The following LIPA variants were observed in gnomAD, a reference collection of about 807,000 sequenced individuals.
The protein encoded by LIPA is lysosomal acid lipase/cholesteryl ester hydrolase.
A neutral mutation model predicts 40.6 loss-of-function variants in LIPA; 26 were observed. The ratio of observed to expected loss-of-function variants is 0.64; its 90% confidence interval spans 0.47 to 0.89. The LOEUF is 0.89. Ranked by LOEUF, LIPA falls within the 40% of genes least tolerant of loss-of-function variation. LIPA has a pLI of 0.00. For synonymous variants in LIPA, 188 were observed against 168.4 expected (o/e 1.12, Z -0.90); for missense variants, 455 against 479.6 (o/e 0.95, Z 0.48).
At chr10:89,390,741 C>A (rs1844241333) in intron 2 of LIPA, among the ~76,000 whole-genome samples, 1 of 152,158 alleles carries the variant, frequency 6.6e-6, no homozygotes, top group African/African-American at 2.4e-5. Flanking sequence ...GGGCCATAGC[C>A]CCGTAGAACC....
intron 1 of LIPA, chr10:89,340,897 A>T (rs2133576698): frequency 6.6e-6 from 1 of 152,342 alleles, no homozygotes; most frequent in African/African-American, 2.4e-5. Flanking sequence ...TGTATTCTTG[A>T]TAGCAATACC....
intron 2 of LIPA, chr10:89,383,864 C>A: frequency 6.2e-7 from 1 of 1,614,214 alleles, no homozygotes; most frequent in Admixed American, 1.7e-5. Flanking sequence ...TACGCAATCA[C>A]CGTCTATCGC....
At chr10:89,338,047 T>C (rs1292036130) in intron 1 of LIPA, 1 of 152,382 alleles carries the variant, frequency 6.6e-6, no homozygotes, top group Non-Finnish European at 1.5e-5. Flanking sequence ...ACATTTAAGC[T>C]AGGCTAAGCT....
chr10:89,382,113 T>A (rs551426075), intron 2 of LIPA, among the ~76,000 whole-genome samples: 17 of 152,304 alleles, frequency 1.1e-4, no homozygotes, highest in African/African-American at 2.9e-4. Context: ...GAATGTTTCA[T>A]CATCCATTTT....
At position 89,403,317 on chromosome 10, in the gene LIPA, A is replaced by G. The variant is rs147292200; in HGVS notation, c.61+9474T>C. The G allele has an allele frequency of 1.2e-5, 19 of 1,613,844 alleles. No homozygotes were observed. The East Asian group carries it at 1.3e-4, about 11-fold the overall frequency. On this transcript the variant is annotated intron_variant, in intron 2 of 8. Coordinates refer to the LIPA transcript ENST00000371837. The stretch of plus-strand genomic sequence containing the variant: ...TGAGGTGGCTCATCTAGACCTGGCA[A>G]GAATGTATATAGAAGCAGGCAATCA...
intron 1 of LIPA, among the ~76,000 whole-genome samples, chr10:89,249,948 C>T (rs1456938030): frequency 2.0e-5 from 3 of 151,960 alleles, no homozygotes; most frequent in Non-Finnish European, 4.4e-5. Context: ...CTGAATATTC[C>T]ACAAGTCTTA....
At chr10:89,389,991 T>TC (rs1844234400) in intron 2 of LIPA, among the ~76,000 whole-genome samples, 1 of 146,736 alleles carries the variant, frequency 6.8e-6, no homozygotes, top group Non-Finnish European at 1.5e-5. Context: ...TTTTTTTTTT[T>TC]TTTTTTTGAG....
At chr10:89,291,283 A>G (rs886567129) in intron 1 of LIPA, among the ~76,000 whole-genome samples, 2 of 151,902 alleles carry the variant, frequency 1.3e-5, no homozygotes, top group Admixed American at 6.6e-5. Flanking sequence ...TTTTTAGCTT[A>G]ATTAAATGTA....
intron 1 of LIPA, among the ~76,000 whole-genome samples, chr10:89,304,270 G>A (rs1278231211): frequency 7.0e-6 from 1 of 142,138 alleles, no homozygotes; most frequent in African/African-American, 2.9e-5. Flanking sequence ...CCCAGGTGCG[G>A]GAGCCCCGGA....
chr10:89,361,331 A>G (rs940487914), intron 2 of LIPA, among the ~76,000 whole-genome samples: 1 of 152,250 alleles, frequency 6.6e-6, no homozygotes, highest in Non-Finnish European at 1.5e-5. Flanking sequence ...TTTATTCAGA[A>G]AAGTCACTTT....
At chr10:89,218,904 G>T (rs984335352) in intron 8 of LIPA, among the ~76,000 whole-genome samples, 1 of 152,032 alleles carries the variant, frequency 6.6e-6, no homozygotes, top group African/African-American at 2.4e-5. Flanking sequence ...AAATATAATG[G>T]CATTTCTTTA....
intron 1 of LIPA, chr10:89,301,916 A>C (rs2133517765): frequency 3.9e-6 from 2 of 513,610 alleles, no homozygotes; most frequent in South Asian, 5.4e-5. Context: ...TAAAAAGAAA[A>C]AAAGAAAAAG....
At chr10:89,258,084 C>T (rs962771619) in intron 1 of LIPA, among the ~76,000 whole-genome samples, 1 of 152,126 alleles carries the variant, frequency 6.6e-6, no homozygotes, top group African/African-American at 2.4e-5. Flanking sequence ...TAAGTTAAGG[C>T]TGCCTTTTAA....
intron 8 of LIPA, among the ~76,000 whole-genome samples, chr10:89,219,803 C>A (rs1479030395): frequency 6.6e-6 from 1 of 152,234 alleles, no homozygotes; most frequent in Non-Finnish European, 1.5e-5. Context: ...CTGCACAAAG[C>A]AACCAACCAT....
At chr10:89,250,103 C>T (rs375218839) in intron 1 of LIPA, among the ~76,000 whole-genome samples, 21,617 of 88,852 alleles carry the variant, frequency 0.24, 2,650 homozygotes, top group South Asian at 0.33. Flanking sequence ...CTTTTCTTTT[C>T]TTTCTTTTTT....
rs770261036 is a variant in LIPA at position 89,383,644 on chromosome 10, T to C, written c.61+29147A>G. The C allele has an allele frequency of 5.0e-6, 8 of 1,614,076 alleles. No individual in the cohort carries two copies. In the Admixed American group the frequency reaches 5.0e-5, roughly 10 times the overall value. On this transcript the variant is annotated intron_variant, in intron 2 of 8. Coordinates refer to the LIPA transcript ENST00000371837. ...CTGGGTGTATTACCACATGGGCAGA[T>C]TGGCAGAAGCCCAGACTTACCTGGA...
At chr10:89,343,881 TA>T (rs1396707326), upstream of LIPA, among the ~76,000 whole-genome samples, 1 of 151,724 alleles carries the variant, frequency 6.6e-6, no homozygotes. Context: ...CTAACTGAAT[TA>T]AAGAACTTAT....
chr10:89,224,908 C>T (rs1025160346), intron 6 of LIPA, among the ~76,000 whole-genome samples, 184 bp downstream of exon 6: 1 of 152,186 alleles, frequency 6.6e-6, no homozygotes, highest in Admixed American at 6.5e-5. Context: ...GTGCAGGAAA[C>T]GACAGGCGTC....
At chr10:89,357,451 C>T (rs918614556) in intron 2 of LIPA, among the ~76,000 whole-genome samples, 1 of 152,188 alleles carries the variant, frequency 6.6e-6, no homozygotes, top group African/African-American at 2.4e-5. Context: ...TTCTAGAATG[C>T]AAATTTCCCT....
Sources: gnomAD v4.1 joint callset for allele counts (sites outside exome capture counted in the v4.1 genomes callset) on GRCh38, gnomAD v4.1.1 for gene constraint, MANE v1.5 for transcripts, NCBI Gene and HGNC (gene_info 2026-07-23, HGNC 2026-07-21) for gene names.